Variants in KCNK9 observed in about 807,000 individuals in gnomAD.
The protein encoded by KCNK9 is potassium two pore domain channel subfamily K member 9, also known as potassium channel subfamily K member 9.
KCNK9 carries 1 observed loss-of-function variant against 10.8 expected under a neutral mutation model. The ratio of observed to expected loss-of-function variants is 0.09; its 90% CI spans 0.03 to 0.44. The LOEUF is 0.44. Ranked by LOEUF, KCNK9 falls within the 20% of genes least tolerant of loss-of-function variation. The probability of loss-of-function intolerance (pLI) is 0.97; values close to 1 mark genes in which losing one functional copy is unlikely to be tolerated. For synonymous variants in KCNK9, 231 were observed against 222.7 expected, an observed-to-expected ratio of 1.04 and a Z score of -0.33; for missense variants, 303 against 515.0, an observed-to-expected ratio of 0.59 and a Z score of 3.98.
chr8:139,625,451 G>A (rs1486296129), intron 1 of KCNK9, among the ~76,000 whole-genome samples: 2 of 152,230 alleles, frequency 1.3e-5, no homozygotes, highest in African/African-American at 4.8e-5. Flanking sequence ...CAGCTGTGCA[G>A]ATCCCAGAGC....
chr8:139,622,401 C>A (rs1190441358), intron 1 of KCNK9, among the ~76,000 whole-genome samples: 1 of 152,172 alleles, frequency 6.6e-6, no homozygotes, highest in African/African-American at 2.4e-5. Context: ...ACCCTGGGAG[C>A]TACATCAAGG....
In KCNK9 at chr8:139,702,647, G is replaced by T; in HGVS notation, c.283+63C>A. 1 of 1,516,212 alleles carries T rather than the reference G, an allele frequency of 6.6e-7. No individual in the cohort carries two copies. The highest frequency in any genetic ancestry group is 8.8e-7 in the Non-Finnish European group (1 of 1,131,094). 93.9% of individuals were successfully genotyped at this position (1,516,212 alleles called of 1,614,324 possible). A position where few individuals can be genotyped will look rare whatever the true frequency, so the allele number is the denominator to read the frequency against. ...CCCTGCACCCAGCCCGGCGCGGCGC[G>T]CTCAGCCGCCTCCCCGGACTCCTCC... On this transcript the variant is annotated intron_variant, in intron 1 of 1. Coordinates refer to ENST00000520439, the MANE Select transcript of KCNK9 (RefSeq NM_001282534.2). The surrounding 1 kb of genome is among the most constrained non-coding windows in gnomAD (Gnocchi z 7.5).
intron 1 of KCNK9, among the ~76,000 whole-genome samples, chr8:139,700,020 A>G (rs1218717134): frequency 6.6e-6 from 1 of 152,172 alleles, no homozygotes; most frequent in Admixed American, 6.5e-5. Context: ...TTGGAGGGCG[A>G]GGCTTGGGGC....
chr8:139,643,719 G>A (rs998540951), intron 1 of KCNK9, among the ~76,000 whole-genome samples: 1 of 152,206 alleles, frequency 6.6e-6, no homozygotes. Context: ...GAGATGCATG[G>A]GGGTCTCAGG....
At chr8:139,688,990 A>G (rs1816879160) in intron 1 of KCNK9, among the ~76,000 whole-genome samples, 1 of 152,178 alleles carries the variant, frequency 6.6e-6, no homozygotes, top group African/African-American at 2.4e-5. Flanking sequence ...GAAAAAAATA[A>G]GGTAAAATGA....
rs764946893 is a variant in KCNK9 at position 139,618,218 on chromosome 8, T to C, written c.*40A>G. On this transcript the variant is annotated 3_prime_UTR_variant, in exon 2 of 2. Transcript: ENST00000520439. This position sits in a 1 kb window ranked among gnomAD's most constrained non-coding sequence, Gnocchi z 7.9. ...TGGACCAATGGAAATTAACACCAAC[T>C]ATGACAAATGACTTTTCTGTCCCAT... 1 of 1,613,920 alleles carries C rather than the reference T, an allele frequency of 6.2e-7. No homozygotes were observed. The highest frequency in any genetic ancestry group is 8.5e-7 in the Non-Finnish European group (1 of 1,179,838).
rs1817259514 is a variant in KCNK9 at position 139,702,732 on chromosome 8, C to A, written c.261G>T (p.Ala87=). The change falls in exon 1 of 2, where the codon GCG becomes GCT. Residue 87 remains alanine, a synonymous_variant. Transcript: ENST00000520439. The surrounding 1 kb of genome is among the most constrained non-coding windows in gnomAD (Gnocchi z 7.5). ...QWKFAGSFYF[A]ITVITTIGYG... ...TACCTATGGTGGTGATGACCGTGAT[C>A]GCAAAGTAGAAGGAGCCGGCGAATT... The A allele has an allele frequency of 1.2e-6, 2 of 1,611,428 alleles. No homozygotes were observed. The highest frequency in any genetic ancestry group is 1.3e-5 in the African/African-American group (1 of 74,862).
intron 1 of KCNK9, among the ~76,000 whole-genome samples, chr8:139,688,868 T>A (rs1816876947): frequency 6.6e-6 from 1 of 152,184 alleles, no homozygotes; most frequent in Non-Finnish European, 1.5e-5. Context: ...CTGATCTCGC[T>A]TAATCCTCAC....
chr8:139,622,864 C>T (rs1488839133), intron 1 of KCNK9, among the ~76,000 whole-genome samples: 1 of 152,190 alleles, frequency 6.6e-6, no homozygotes, highest in African/African-American at 2.4e-5. Context: ...ATGAAGACTT[C>T]AGAGTACACA....
chr8:139,674,552 C>T (rs1463518731), intron 1 of KCNK9, among the ~76,000 whole-genome samples: 1 of 152,192 alleles, frequency 6.6e-6, no homozygotes, highest in African/African-American at 2.4e-5. Context: ...GAGCCTGGGG[C>T]TCCCTCATGC....
chr8:139,619,861 A>T (rs575759220), intron 1 of KCNK9, among the ~76,000 whole-genome samples: 14 of 152,216 alleles, frequency 9.2e-5, no homozygotes, highest in African/African-American at 2.9e-4. Flanking sequence ...ATTCCCCCAT[A>T]CCTAGAAAGT....
rs568356956 is a variant in KCNK9, at chr8:139,630,057, C to T, written c.284-10958G>A. Among the ~76,000 whole-genome samples the T allele has an allele frequency of 5.9e-3, 791 of 133,280 alleles. 12 individuals carry two copies. Among genetic ancestry groups the T allele is most frequent in the Non-Finnish European group, 5.0e-3 (311 of 61,754 alleles). 87.4% of individuals were successfully genotyped at this position (133,280 alleles called of 152,430 possible). On this transcript the variant is annotated intron_variant, in intron 1 of 1. Transcript: ENST00000520439. The stretch of plus-strand genomic sequence containing the variant: ...CAGGTTAGTGGTTGCCTAGGGGTTG[C>T]GGGGGGAGCGGGCGTGGGGGGCGGC...
At chr8:139,619,435 G>T (rs957628743) in intron 1 of KCNK9, among the ~76,000 whole-genome samples, 2 of 152,062 alleles carry the variant, frequency 1.3e-5, no homozygotes, top group Non-Finnish European at 2.9e-5. Context: ...AGGAACATTC[G>T]AATGCCATCT....
In KCNK9 at chr8:139,633,435, G is replaced by A. The variant is rs1019377055; in HGVS notation, c.284-14336C>T. Among the ~76,000 whole-genome samples, 8 of 152,172 alleles carry A rather than the reference G, an allele frequency of 5.3e-5. No individual in the cohort carries two copies. In the East Asian group the frequency reaches 1.5e-3, roughly 29 times the overall value. On this transcript the variant is annotated intron_variant, in intron 1 of 1. Coordinates refer to ENST00000520439, the MANE Select transcript of KCNK9 (RefSeq NM_001282534.2). ...TCATGAGGACCTCCTGGAGCTGTGA[G>A]GAACAAATGATTTCAGCCAAGTCCC...
intron 1 of KCNK9, among the ~76,000 whole-genome samples, chr8:139,634,088 C>T (rs959211792): frequency 6.6e-6 from 1 of 152,272 alleles, no homozygotes; most frequent in African/African-American, 2.4e-5. Context: ...CTCCCATGTC[C>T]CTCAACCCAG....
At chr8:139,666,281 G>A (rs559326165) in intron 1 of KCNK9, among the ~76,000 whole-genome samples, 1 of 152,326 alleles carries the variant, frequency 6.6e-6, no homozygotes, top group South Asian at 2.1e-4. Context: ...TCTGTAGAAT[G>A]GAAGTCATCC....
At chr8:139,653,513 C>G (rs1815929498) in intron 1 of KCNK9, among the ~76,000 whole-genome samples, 1 of 151,910 alleles carries the variant, frequency 6.6e-6, no homozygotes, top group South Asian at 2.1e-4. Flanking sequence ...CCCCCACCAC[C>G]CCCGCCGCCT....
At chr8:139,672,677 G>C (rs867821198) in intron 1 of KCNK9, among the ~76,000 whole-genome samples, 2 of 152,206 alleles carry the variant, frequency 1.3e-5, no homozygotes, top group African/African-American at 2.4e-5. Context: ...CAGCCCCCGT[G>C]GGGGAGCCTC....
At chr8:139,604,509 G>A (rs534628324) in intron 2 of KCNK9, among the ~76,000 whole-genome samples, 1 of 152,152 alleles carries the variant, frequency 6.6e-6, no homozygotes, top group African/African-American at 2.4e-5. Context: ...AGCACAAGCC[G>A]GGCACGCAGA....
Sources: allele counts gnomAD v4.1 joint callset (sites outside exome capture counted in the v4.1 genomes callset), GRCh38; gene constraint gnomAD v4.1.1; non-coding constraint Gnocchi (gnomAD v3.1); transcripts MANE v1.5; gene names NCBI Gene and HGNC (gene_info 2026-07-23, HGNC 2026-07-21).